CBFA2T3: variants seen among roughly 807,000 people sequenced by gnomAD.
The protein encoded by CBFA2T3 is transcriptional corepressor CBFA2T3.
CBFA2T3 carries 31 observed loss-of-function variants against 58.6 expected under a neutral mutation model. The ratio of observed to expected loss-of-function variants is 0.53; its 90% CI spans 0.40 to 0.71. The LOEUF is 0.71. Among genes scored for constraint, CBFA2T3 ranks in the 30% least tolerant of loss-of-function variants. The pLI is 0.00. For synonymous variants in CBFA2T3, 531 were observed against 421.9 expected, an observed-to-expected ratio of 1.26 and a Z score of -3.17; for missense variants, 1,076 against 963.1, an observed-to-expected ratio of 1.12 and a Z score of -1.55.
In CBFA2T3 at chr16:88,970,880, G is replaced by T. The variant is rs1021275395; in HGVS notation, c.151+5777C>A. Among the ~76,000 whole-genome samples, 42 of 152,316 alleles carry T rather than the reference G, an allele frequency of 2.8e-4. 1 individual carries two copies. The highest frequency in any genetic ancestry group is 1.0e-3 in the African/African-American group (42 of 41,578). On this transcript the variant is annotated intron_variant, in intron 1 of 11. Transcript: ENST00000268679. The stretch of plus-strand genomic sequence containing the variant: ...TGAGTAGTACGTAAGGGGGCAGCTG[G>T]TTTTTCTCATGGGGTGACAGATTGA...
intron 1 of CBFA2T3, among the ~76,000 whole-genome samples, chr16:88,952,409 G>T (rs190516544): frequency 6.6e-6 from 1 of 150,682 alleles, no homozygotes; most frequent in South Asian, 2.1e-4. Context: ...TCCTTCTCCC[G>T]CGGGGCACCA....
intron 1 of CBFA2T3, among the ~76,000 whole-genome samples, chr16:88,926,173 G>T (rs756370490): frequency 6.6e-6 from 1 of 152,206 alleles, no homozygotes; most frequent in South Asian, 2.1e-4. Flanking sequence ...GAGCAGAGCC[G>T]CAGCCGGGGG....
intron 7 of CBFA2T3, chr16:88,883,963 C>T (rs1016453893): frequency 1.2e-4 from 19 of 152,272 alleles, no homozygotes; most frequent in African/African-American, 3.1e-4. Flanking sequence ...TCCTAGCCTC[C>T]GAACCTGAAA....
At position 88,913,587 on chromosome 16, in the gene CBFA2T3, G is replaced by A. The variant is rs185713425; in HGVS notation, c.152-11931C>T. ...CCCATCTTGTCTCTAGCCGAACCAG[G>A]CCTCAGATGCCAATGCTGCACTTGC... On this transcript the variant is annotated intron_variant, in intron 1 of 11. Coordinates refer to ENST00000268679, the MANE Select transcript of CBFA2T3 (RefSeq NM_005187.6). 2.6e-3 allele frequency among the ~76,000 whole-genome samples: 391 copies of A among 152,294 alleles called. 2 individuals are homozygous for A. The highest frequency in any genetic ancestry group is 0.024 in the Middle Eastern group (7 of 294).
intron 1 of CBFA2T3, among the ~76,000 whole-genome samples, chr16:88,929,082 T>G (rs1374507540): frequency 7.0e-6 from 1 of 141,868 alleles, no homozygotes; most frequent in Non-Finnish European, 1.6e-5. Flanking sequence ...GAGTGCAAAA[T>G]AGACCTGGGA....
chr16:88,957,431 G>A (rs180672835), intron 1 of CBFA2T3, among the ~76,000 whole-genome samples: 28 of 152,348 alleles, frequency 1.8e-4, no homozygotes, highest in African/African-American at 6.3e-4. Context: ...CAGCACAAAC[G>A]GGGTCGGAGC....
chr16:88,923,297 G>A (rs1350571284), intron 1 of CBFA2T3, among the ~76,000 whole-genome samples: 1 of 152,206 alleles, frequency 6.6e-6, no homozygotes, highest in Non-Finnish European at 1.5e-5. Context: ...TCGCACAGAG[G>A]AGGTGAGGAT....
At chr16:88,931,266 C>A (rs1262694997) in intron 1 of CBFA2T3, among the ~76,000 whole-genome samples, 1 of 152,074 alleles carries the variant, frequency 6.6e-6, no homozygotes. Context: ...TGACTCCAGC[C>A]CTGGCTCTGT....
At chr16:88,910,194 C>G (rs956434137) in intron 1 of CBFA2T3, among the ~76,000 whole-genome samples, 1 of 152,262 alleles carries the variant, frequency 6.6e-6, no homozygotes, top group Non-Finnish European at 1.5e-5. Flanking sequence ...GCAGGGAATG[C>G]ACTTCCACCA....
At chr16:88,954,932 T>C (rs76811297) in intron 1 of CBFA2T3, among the ~76,000 whole-genome samples, 74 of 4,362 alleles carry the variant, frequency 0.017, no homozygotes, top group Admixed American at 0.041. Context: ...CCTGACCCCA[T>C]CCAAGGCTCC....
At chr16:88,968,903 G>GACCATA (rs201606069) in intron 1 of CBFA2T3, among the ~76,000 whole-genome samples, 6,063 of 152,210 alleles carry the variant, frequency 0.04, 166 homozygotes, top group Non-Finnish European at 0.063. Flanking sequence ...GACCCCCATG[G>GACCATA]ACCATAACCC....
Position 88,875,009 on chromosome 16 carries a change from T to C in CBFA2T3, c.*1967A>G. The C allele has an allele frequency of 4.3e-6, 1 of 233,676 alleles. No individual in the cohort carries two copies. Among genetic ancestry groups the C allele is most frequent in the East Asian group, 6.0e-5 (1 of 16,594 alleles). The allele number at this position is 233,676 out of a possible 1,614,324, so 14.5% of individuals were successfully genotyped here. A position where few individuals can be genotyped will look rare whatever the true frequency, so the allele number is the denominator to read the frequency against. On this transcript the variant is annotated 3_prime_UTR_variant, in exon 12 of 12. Transcript: ENST00000268679. ...GTTCGTGGCTGGTTCAGTAGCTGGG[T>C]CACTCCCGTATTGCACTGAGTTCCT... is the stretch of plus-strand genomic sequence containing the variant.
intron 1 of CBFA2T3, among the ~76,000 whole-genome samples, chr16:88,916,799 G>A (rs920714404): frequency 3.9e-5 from 6 of 152,176 alleles, no homozygotes; most frequent in African/African-American, 7.2e-5. Context: ...GGGTGAAGGC[G>A]AGACTGCTAG....
rs189427741 is a variant in CBFA2T3 at position 88,941,020 on chromosome 16, G to A, written c.151+35637C>T. 1,248 of 983,866 alleles carry A rather than the reference G, an allele frequency of 1.3e-3. 15 individuals are homozygous for A. In the African/African-American group the frequency reaches 0.02, roughly 16 times the overall value. 60.9% of individuals were successfully genotyped at this position (983,866 alleles called of 1,614,324 possible). On this transcript the variant is annotated intron_variant, in intron 1 of 11. Transcript: ENST00000268679. ...CGCGCGGGGCGGACACGGCACTTAC[G>A]GTCGGGGGGTCCGGGGGATCCGGCG...
In CBFA2T3 at chr16:88,968,054, G is replaced by A. The variant is rs566945743; in HGVS notation, c.151+8603C>T. ...AAAGTGACTGAAATTCTGTGGGTTC[G>A]ACGGGTCATGGGGCTGAGTTGGGAC... On this transcript the variant is annotated intron_variant, in intron 1 of 11. Transcript: ENST00000268679. Among the ~76,000 whole-genome samples the A allele has an allele frequency of 2.6e-5, 4 of 152,350 alleles. No individual in the cohort carries two copies. The South Asian group carries it at 6.2e-4, about 24-fold the overall frequency.
chr16:88,920,951 C>G (rs1178187461), intron 1 of CBFA2T3, among the ~76,000 whole-genome samples: 2 of 152,248 alleles, frequency 1.3e-5, no homozygotes, highest in African/African-American at 4.8e-5. Context: ...ACGGGTGTCT[C>G]CACAACCTGG....
Position 88,892,094 on chromosome 16 carries a change from C to A in CBFA2T3, c.622-123G>T, listed in dbSNP as rs1040524299. 2.7e-5 allele frequency: 37 copies of A among 1,351,708 alleles called. 1 individual carries two copies. In the East Asian group the frequency reaches 7.2e-4, roughly 26 times the overall value. 83.7% of individuals were successfully genotyped at this position (1,351,708 alleles called of 1,614,324 possible). ...AGGCAGGCAGCCCAGGAGCTGGGCACGGCCTGAGAGGGTGCAGGTGGCATC... is the reference window on the plus strand; with the variant it reads ...AGGCAGGCAGCCCAGGAGCTGGGCAAGGCCTGAGAGGGTGCAGGTGGCATC... On this transcript the variant is annotated intron_variant, in intron 4 of 11. Coordinates refer to ENST00000268679, the MANE Select transcript of CBFA2T3 (RefSeq NM_005187.6).
At chr16:88,888,573 T>G (rs1437257821) in intron 5 of CBFA2T3, among the ~76,000 whole-genome samples, 2 of 7,732 alleles carry the variant, frequency 2.6e-4, no homozygotes, top group African/African-American at 7.6e-4. Context: ...TGGGGTGGGG[T>G]GGGAGGGGGT....
chr16:88,930,980 A>AT (rs1384528252), intron 1 of CBFA2T3, among the ~76,000 whole-genome samples: 1 of 151,952 alleles, frequency 6.6e-6, no homozygotes, highest in East Asian at 1.9e-4. Context: ...AAGTGACACT[A>AT]TAACTCCACG....
Sources: gnomAD v4.1 joint callset for allele counts (sites outside exome capture counted in the v4.1 genomes callset) on GRCh38, gnomAD v4.1.1 for gene constraint, MANE v1.5 for transcripts, NCBI Gene and HGNC (gene_info 2026-07-23, HGNC 2026-07-21) for gene names.